Variants in C12orf76 observed in about 807,000 individuals in gnomAD.
C12orf76 encodes the protein chromosome 12 open reading frame 76, also known as uncharacterized protein C12orf76.
C12orf76 carries 6 observed loss-of-function variants against 6.8 expected under a neutral mutation model. The observed-to-expected ratio is 0.88, with a 90% CI of 0.48 to 1.73. The LOEUF (loss-of-function observed/expected upper bound fraction) is 1.73, where lower values mean the gene tolerates loss of function less well. C12orf76 is among the 40% of genes most tolerant of loss of function. C12orf76 has a pLI of 0.01. For synonymous variants in C12orf76, 56 were observed against 43.7 expected (o/e 1.28, Z -1.11); for missense variants, 99 against 98.2 (o/e 1.01, Z -0.03).
At chr12:110,057,195 A>G (rs566943890) in exon 4 of C12orf76, 24 of 1,609,074 alleles carry the variant, frequency 1.5e-5, no homozygotes, top group Non-Finnish European at 2.0e-5. Context: ...TTACCTTGGC[A>G]TTGCAGGTAG....
intron 1 of C12orf76, among the ~76,000 whole-genome samples, chr12:110,045,290 CA>C (rs1892420195): frequency 6.6e-6 from 1 of 151,946 alleles, no homozygotes; most frequent in Admixed American, 6.6e-5. Flanking sequence ...GGAAGAACTC[CA>C]AAAAAAATTT....
upstream of C12orf76, among the ~76,000 whole-genome samples, chr12:110,051,904 CTTTTT>C (rs567991255): frequency 9.9e-6 from 1 of 100,662 alleles, no homozygotes; most frequent in East Asian, 3.0e-4. Context: ...GGCAGCTACT[CTTTTT>C]TTTTTTTTTT....
chr12:110,050,209 G>A (rs1372996849), upstream of C12orf76: 1 of 152,232 alleles, frequency 6.6e-6, no homozygotes, highest in African/African-American at 2.4e-5. Flanking sequence ...CACACAAAGT[G>A]GCAGAGCTAG....
exon 2 of C12orf76, chr12:110,065,992 C>T: frequency 5.0e-6 from 8 of 1,610,350 alleles, no homozygotes; most frequent in Non-Finnish European, 6.8e-6. Context: ...AGAACTGGGT[C>T]ATCTCTGACC....
upstream of C12orf76, among the ~76,000 whole-genome samples, chr12:110,051,997 A>G (rs1415451443): frequency 7.7e-6 from 1 of 130,474 alleles, no homozygotes; most frequent in Non-Finnish European, 1.5e-5. Context: ...GGTTCATGCC[A>G]TTCTCCTGCC....
chr12:110,057,029 A>G, intron 4 of C12orf76: 1 of 618,782 alleles, frequency 1.6e-6, no homozygotes, highest in East Asian at 2.8e-5. Flanking sequence ...GGAGCCCTGG[A>G]GTGGCAGGGA....
intron 3 of C12orf76, among the ~76,000 whole-genome samples, chr12:110,058,397 C>T (rs1892711276): frequency 6.6e-6 from 1 of 151,994 alleles, no homozygotes; most frequent in African/African-American, 2.4e-5. Context: ...GTCATGGTGC[C>T]TCACGCCTGT....
rs969069008 is a variant in C12orf76, at chr12:110,041,972, T to C, written c.*402A>G. 5.1e-5 allele frequency: 9 copies of C among 177,436 alleles called. No individual in the cohort carries two copies. The highest frequency in any genetic ancestry group is 2.8e-4 in the Admixed American group (5 of 18,080). 11.0% of individuals were successfully genotyped at this position (177,436 alleles called of 1,614,324 possible). On this transcript the variant is annotated 3_prime_UTR_variant, in exon 2 of 2. Transcript: ENST00000615315. ...CCACTGTAACCAAATGGTTCTTAAA[T>C]AGGGAATGTCTGCATGGTAAGTCTC...
At position 110,042,426 on chromosome 12, in the gene C12orf76, A is replaced by G; in HGVS notation, c.167T>C (p.Val56Ala). Residue 56 changes from valine (V) to alanine (A), a missense_variant, in exon 2 of 2, where the codon GTG (valine) becomes GCG (alanine). Coordinates refer to ENST00000615315, the MANE Select transcript of C12orf76 (RefSeq NM_001389625.1). The stretch of plus-strand genomic sequence containing the variant: ...ACAAAATGCCATAAGGATGACAGTC[A>G]CCAGCAGGATGCTGAAAATGGTTCC... ...LMGTIFSILL[V>A]TVILMAFCVY... is the part of the protein sequence containing the mutation. 3 of 1,614,152 alleles carry G rather than the reference A, an allele frequency of 1.9e-6. No homozygotes were observed. Among genetic ancestry groups the G allele is most frequent in the Non-Finnish European group, 2.5e-6 (3 of 1,179,940 alleles).
chr12:110,064,434 A>G (rs571844828), intron 2 of C12orf76, among the ~76,000 whole-genome samples: 1 of 152,282 alleles, frequency 6.6e-6, no homozygotes, highest in South Asian at 2.1e-4. Context: ...ATATTATAGG[A>G]TTATGTAGGA....
chr12:110,058,434 C>T (rs1418974400), intron 3 of C12orf76, among the ~76,000 whole-genome samples: 1 of 152,102 alleles, frequency 6.6e-6, no homozygotes, highest in Non-Finnish European at 1.5e-5. Flanking sequence ...GAGGCCAAGG[C>T]GGGCAGATCA....
chr12:110,069,985 C>T (rs1408452032), upstream of C12orf76, among the ~76,000 whole-genome samples: 2 of 152,074 alleles, frequency 1.3e-5, no homozygotes, highest in Admixed American at 6.6e-5. Context: ...CATGGTGGCT[C>T]ACACTGTAAT....
chr12:110,051,341 G>T, upstream of C12orf76: 1 of 688,876 alleles, frequency 1.5e-6, no homozygotes, highest in South Asian at 1.5e-5. Flanking sequence ...CATGAATTGT[G>T]AGGATCAAAT....
At chr12:110,057,103 G>T in intron 4 of C12orf76, 3 of 879,022 alleles carry the variant, frequency 3.4e-6, no homozygotes, top group South Asian at 2.8e-5. Context: ...GGACTCACCA[G>T]ATGGAGACGA....
upstream of C12orf76, among the ~76,000 whole-genome samples, chr12:110,068,301 GAA>G (rs1892911270): frequency 6.8e-6 from 1 of 146,780 alleles, no homozygotes; most frequent in African/African-American, 2.5e-5. Flanking sequence ...AGAAGAAGAA[GAA>G]GAAGAAGAAG....
chr12:110,071,582 G>A (rs1007362004), upstream of C12orf76, among the ~76,000 whole-genome samples: 1 of 152,026 alleles, frequency 6.6e-6, no homozygotes, highest in Admixed American at 6.6e-5. Flanking sequence ...TAATGACTTG[G>A]CCAAGAAGAC....
upstream of C12orf76, chr12:110,049,782 C>G (rs1045905159): frequency 7.9e-5 from 12 of 152,302 alleles, no homozygotes; most frequent in African/African-American, 2.9e-4. Flanking sequence ...CACCCAGTAG[C>G]TAAAAATCAA....
At chr12:110,046,154 G>A (rs531150701) in intron 1 of C12orf76, among the ~76,000 whole-genome samples, 87 of 152,098 alleles carry the variant, frequency 5.7e-4, no homozygotes, top group African/African-American at 2.0e-3. Flanking sequence ...TAGGGCGGGC[G>A]TGGTGGCTCA....
upstream of C12orf76, chr12:110,050,968 G>T: frequency 2.7e-6 from 2 of 737,126 alleles, no homozygotes; most frequent in Non-Finnish European, 5.0e-6. Flanking sequence ...GGTAAGTGTT[G>T]GGGTCCGTTA....
Sources: gnomAD v4.1 joint callset for allele counts (sites outside exome capture counted in the v4.1 genomes callset) on GRCh38, gnomAD v4.1.1 for gene constraint, MANE v1.5 for transcripts, NCBI Gene and HGNC (gene_info 2026-07-23, HGNC 2026-07-21) for gene names.